Variants in ACACA observed in about 807,000 individuals in gnomAD.
ACACA encodes the protein acetyl-CoA carboxylase alpha.
A neutral mutation model predicts 296.1 loss-of-function variants in ACACA; 103 were observed. The ratio of observed to expected loss-of-function variants is 0.35; its 90% CI spans 0.30 to 0.41. The LOEUF is 0.41. Ranked by LOEUF, ACACA falls within the 10% of genes least tolerant of loss-of-function variation. The probability of loss-of-function intolerance (pLI) is 1.00; values close to 1 mark genes in which losing one functional copy is unlikely to be tolerated. For missense variants in ACACA, 1,554 were observed against 2,989.7 expected (o/e 0.52, Z 11.20); for synonymous variants, 953 against 1,038.6 (o/e 0.92, Z 1.58).
At chr17:37,130,312 A>T in intron 45 of ACACA, 94 bp from the exon 46 acceptor site, 1 of 1,473,776 alleles carries the variant, frequency 6.8e-7, no homozygotes, top group Middle Eastern at 1.8e-4. Context: ...TCTTTTCTCC[A>T]CAAAACAGAG....
chr17:37,340,616 T>A (rs1433822520), intron 1 of ACACA, among the ~76,000 whole-genome samples: 3 of 152,152 alleles, frequency 2.0e-5, no homozygotes, highest in Non-Finnish European at 4.4e-5. Context: ...ATTACACTGG[T>A]AGGGAAATCT....
intron 3 of ACACA, among the ~76,000 whole-genome samples, chr17:37,310,900 C>CA: frequency 6.6e-6 from 1 of 151,432 alleles, no homozygotes; most frequent in East Asian, 1.9e-4. Flanking sequence ...TGCATGAAAG[C>CA]AGAAGGACTT....
intron 1 of ACACA, among the ~76,000 whole-genome samples, chr17:37,354,332 C>T (rs543568080): frequency 7.2e-5 from 11 of 152,314 alleles, no homozygotes; most frequent in African/African-American, 2.4e-4. Flanking sequence ...TTAGGCAGGG[C>T]ACTGAATAGC....
intron 41 of ACACA, among the ~76,000 whole-genome samples, chr17:37,168,964 T>C (rs1014863410): frequency 1.3e-5 from 2 of 152,224 alleles, no homozygotes; most frequent in African/African-American, 4.8e-5. Context: ...ATTACAAACA[T>C]GTACTAAAAT....
At chr17:37,273,046 T>C (rs2082134830) in intron 9 of ACACA, among the ~76,000 whole-genome samples, 1 of 152,206 alleles carries the variant, frequency 6.6e-6, no homozygotes. Flanking sequence ...GCTAGTTCCT[T>C]ACAAAGAGCT....
intron 3 of ACACA, among the ~76,000 whole-genome samples, chr17:37,319,911 A>G (rs1197905745): frequency 1.3e-5 from 2 of 152,082 alleles, no homozygotes; most frequent in African/African-American, 2.4e-5. Context: ...AGATCATGCC[A>G]CTGCACTCCA....
intron 1 of ACACA, among the ~76,000 whole-genome samples, chr17:37,353,665 A>AC (rs10638342): frequency 7.0e-6 from 1 of 143,232 alleles, no homozygotes; most frequent in Non-Finnish European, 1.5e-5. Context: ...AAAAAAAAAA[A>AC]GATAATTTTA....
intron 10 of ACACA, among the ~76,000 whole-genome samples, chr17:37,268,733 C>CTATATATATATATATATATA (rs1402309165): frequency 1.4e-5 from 1 of 70,822 alleles, no homozygotes; most frequent in East Asian, 8.7e-4. Context: ...ATCTATCTAT[C>CTATATATATATATATATATA]TATCTATCTA....
In ACACA at chr17:37,248,608, G is replaced by A; in HGVS notation, c.2148C>T (p.Val716=). ...TVDVELIYEG[V]KYVLKVTRQS... ...TTCTGCATACCTTAAGTACATACTT[G>A]ACTCCCTCATAGATAAGTTCAACAT... The change falls in exon 17 of 56, where the codon GTC becomes GTT. Residue 716 remains valine, a synonymous_variant. Coordinates refer to ENST00000616317, the MANE Select transcript of ACACA (RefSeq NM_198834.3). 1 of 1,607,548 alleles carries A rather than the reference G, an allele frequency of 6.2e-7. No individual in the cohort carries two copies. Among genetic ancestry groups the A allele is most frequent in the East Asian group, 2.2e-5 (1 of 44,754 alleles).
intron 25 of ACACA, among the ~76,000 whole-genome samples, chr17:37,231,933 A>C (rs752593172): frequency 4.6e-5 from 7 of 152,374 alleles, no homozygotes; most frequent in African/African-American, 1.4e-4. Flanking sequence ...TTCAAAAAAT[A>C]AATGTACTAT....
At chr17:37,146,512 T>C (rs999842644) in intron 45 of ACACA, among the ~76,000 whole-genome samples, 2 of 152,066 alleles carry the variant, frequency 1.3e-5, no homozygotes, top group Non-Finnish European at 2.9e-5. Context: ...GCAAAAGTTT[T>C]CATTAAAATT....
rs573514495 is a variant in ACACA at position 37,381,058 on chromosome 17, C to T, written c.38+25204G>A. On this transcript the variant is annotated intron_variant, in intron 1 of 55. Coordinates refer to ENST00000616317, the MANE Select transcript of ACACA (RefSeq NM_198834.3). The stretch of plus-strand genomic sequence containing the variant: ...ATTATCAACTTATTATATTTCCTTC[C>T]GGAGATACTCTAAGAATGTATGAAT... Among the ~76,000 whole-genome samples, 106 of 152,078 alleles carry T rather than the reference C, an allele frequency of 7.0e-4. 1 individual carries two copies. The highest frequency in any genetic ancestry group is 2.1e-3 in the African/African-American group (86 of 41,404).
At position 37,207,528 on chromosome 17, in the gene ACACA, A is replaced by G. The variant is rs2078560505; in HGVS notation, c.3851+129T>C. 8 of 1,108,036 alleles carry G rather than the reference A, an allele frequency of 7.2e-6. 1 individual carries two copies. Among genetic ancestry groups the G allele is most frequent in the South Asian group, 1.3e-5 (1 of 74,588 alleles). The allele number at this position is 1,108,036 out of a possible 1,614,324, so 68.6% of individuals were successfully genotyped here. A position where few individuals can be genotyped will look rare whatever the true frequency, so the allele number is the denominator to read the frequency against. ...ATACCTCTCCAACGGCATATACAGC[A>G]AGGGTTACATCTTTTTAGCTGGCTC... On this transcript the variant is annotated intron_variant, in intron 31 of 55. Transcript: ENST00000616317.
At chr17:37,139,884 T>C (rs1378612899) in intron 45 of ACACA, among the ~76,000 whole-genome samples, 1 of 152,250 alleles carries the variant, frequency 6.6e-6, no homozygotes, top group African/African-American at 2.4e-5. Flanking sequence ...GACCAGACTC[T>C]GAACACAAAA....
intron 13 of ACACA, 131 bp downstream of exon 13, chr17:37,258,079 ATC>A: frequency 1.6e-6 from 2 of 1,231,118 alleles, no homozygotes; most frequent in East Asian, 5.0e-5. Flanking sequence ...CCATTTACTT[ATC>A]TGCTCTGAGA....
intron 1 of ACACA, chr17:37,391,709 C>T: frequency 6.2e-7 from 1 of 1,613,700 alleles, no homozygotes; most frequent in Non-Finnish European, 8.5e-7. Context: ...CTGTTATCCA[C>T]CAGACATACT....
intron 3 of ACACA, among the ~76,000 whole-genome samples, chr17:37,323,881 C>T (rs2047465956): frequency 6.6e-6 from 1 of 152,208 alleles, no homozygotes; most frequent in African/African-American, 2.4e-5. Context: ...AGCAGAGAAA[C>T]TGCCAATATC....
At position 37,248,085 on chromosome 17, in the gene ACACA, C is replaced by A; in HGVS notation, c.2235G>T (p.Arg745=). 6.2e-7 allele frequency: 1 copy of A among 1,614,124 alleles called. No homozygotes were observed. The highest frequency in any genetic ancestry group is 8.5e-7 in the Non-Finnish European group (1 of 1,180,022). ...ACAAGAGCAGTCCACCGTCACTCAG[C>A]CGATGTACATCTACTTCTACACATG... ...NGSCVEVDVH[R]LSDGGLLLSY... is the part of the protein sequence containing the mutation. The change falls in exon 18 of 56, where the codon CGG becomes CGT. Residue 745 remains arginine, a synonymous_variant. Transcript: ENST00000616317.
intron 2 of ACACA, among the ~76,000 whole-genome samples, chr17:37,331,038 G>T (rs1275957795): frequency 6.6e-6 from 1 of 151,930 alleles, no homozygotes; most frequent in Non-Finnish European, 1.5e-5. Context: ...AGCCTCCCCA[G>T]TAGCTGGGAC....
Sources: gnomAD v4.1 joint callset for allele counts (sites outside exome capture counted in the v4.1 genomes callset) on GRCh38, gnomAD v4.1.1 for gene constraint, MANE v1.5 for transcripts, NCBI Gene and HGNC (gene_info 2026-07-23, HGNC 2026-07-21) for gene names.